Variants in UNC13A observed in about 807,000 individuals in gnomAD.
The protein encoded by UNC13A is protein unc-13 homolog A.
A neutral mutation model predicts 219.7 loss-of-function variants in UNC13A; 61 were observed. The ratio of observed to expected loss-of-function variants is 0.28; its 90% CI spans 0.23 to 0.34. The LOEUF (loss-of-function observed/expected upper bound fraction) is 0.34, where lower values mean the gene tolerates loss of function less well. UNC13A is among the 10% of genes least tolerant of loss of function. The pLI, the probability that UNC13A is intolerant of heterozygous loss-of-function variation, is 1.00. For missense variants in UNC13A, 1,476 were observed against 2,270.3 expected (o/e 0.65, Z 7.11); for synonymous variants, 920 against 884.6 (o/e 1.04, Z -0.71).
At chr19:17,634,782 G>A (rs149956833) in intron 26 of UNC13A, among the ~76,000 whole-genome samples, 1,574 of 152,042 alleles carry the variant, frequency 0.01, 24 homozygotes, top group African/African-American at 0.035. Context: ...TGCAACCTCT[G>A]CCTCCTGGGT....
Position 17,603,010 on chromosome 19 carries a change from A to G in UNC13A, c.*3044T>C, listed in dbSNP as rs1204215601. On this transcript the variant is annotated 3_prime_UTR_variant, in exon 44 of 44. Coordinates refer to ENST00000519716, the MANE Select transcript of UNC13A (RefSeq NM_001080421.3). The stretch of plus-strand genomic sequence containing the variant: ...ACTGGAGGAGAGACGGTGGCTGGGA[A>G]AGTCCTGAGGGGAAGGAAGGAGGGT... The G allele has an allele frequency of 6.6e-6, 1 of 152,260 alleles. No homozygotes were observed. Among genetic ancestry groups the G allele is most frequent in the East Asian group, 1.9e-4 (1 of 5,190 alleles). The allele number at this position is 152,260 out of a possible 1,614,324, so 9.4% of individuals were successfully genotyped here.
rs1404082871 is a variant in UNC13A, at chr19:17,618,969, G to T, written c.4273-7C>A. On this transcript the variant is annotated splice_polypyrimidine_tract_variant and splice_region_variant and intron_variant, in intron 38 of 43. Transcript: ENST00000519716. The stretch of plus-strand genomic sequence containing the variant: ...TGAAGATCATCTGGGTTCCCTGCAG[G>T]TAACAACATACAGCTGGGTGAGGGC... 3 of 1,613,894 alleles carry T rather than the reference G, an allele frequency of 1.9e-6. No individual in the cohort carries two copies. Among genetic ancestry groups the T allele is most frequent in the Non-Finnish European group, 2.5e-6 (3 of 1,179,836 alleles).
Position 17,658,629 on chromosome 19 carries a change from A to G in UNC13A, c.560-360T>C, listed in dbSNP as rs142871209. On this transcript the variant is annotated intron_variant, in intron 8 of 43. Transcript: ENST00000519716. ...TGGGATTTTTTTCCACTGAGCAGTT[A>G]GTTTCCCATAACAGGAGTCACACAG... is the stretch of plus-strand genomic sequence containing the variant. Among the ~76,000 whole-genome samples, 212 of 152,274 alleles carry G rather than the reference A, an allele frequency of 1.4e-3. 1 individual carries two copies. The highest frequency in any genetic ancestry group is 4.9e-3 in the African/African-American group (203 of 41,548).
At position 17,606,258 on chromosome 19, in the gene UNC13A, G is replaced by C. The variant is rs775862657; in HGVS notation, c.4908C>G (p.Ala1636=). Residue 1636 remains alanine, a synonymous_variant, in exon 44 of 44, where the codon GCC becomes GCG. Transcript: ENST00000519716. ...GGGCCAGCTCACGCAGCTGCAGCAC[G>C]GCCAGCCCCACCGTGCGGTCCTCGC... ...FAREDRTVGL[A]VLQLRELAQR... is the part of the protein sequence containing the mutation. 168 of 1,547,508 alleles carry C rather than the reference G, an allele frequency of 1.1e-4. No individual in the cohort carries two copies. Among genetic ancestry groups the C allele is most frequent in the Non-Finnish European group, 1.4e-4 (163 of 1,146,452 alleles).
Position 17,626,789 on chromosome 19 carries a change from G to T in UNC13A, c.3921-4C>A. ...CTCTTCAATGTGCGGCTGGAAGCTG[G>T]GGACACAGAAGGGAAGGGCTCAGAC... On this transcript the variant is annotated splice_polypyrimidine_tract_variant and splice_region_variant and intron_variant, in intron 33 of 43. Transcript: ENST00000519716. 1 of 1,609,318 alleles carries T rather than the reference G, an allele frequency of 6.2e-7. No individual in the cohort carries two copies.
chr19:17,656,125 C>G lies in UNC13A; in HGVS notation c.1041G>C (p.Glu347Asp), dbSNP rs898222224. The G allele has an allele frequency of 1.3e-6, 2 of 1,549,334 alleles. No homozygotes were observed. Among genetic ancestry groups the G allele is most frequent in the African/African-American group, 2.7e-5 (2 of 73,046 alleles). The change falls in exon 10 of 44, where the codon GAG (glutamate) becomes GAC (aspartate). Residue 347 changes from glutamate to aspartate, a missense_variant. By Grantham distance (45) the Glu-to-Asp change is conservative (BLOSUM62 2). Transcript: ENST00000519716. The stretch of plus-strand genomic sequence containing the variant: ...CCAAATCGTCAGGCACCTCCTCCTC[C>G]TCCTCCTCCAGCTCCTCCTCATCTT... ...LPEDEEELEE[E>D]EEEVPDDLGS...
intron 25 of UNC13A, among the ~76,000 whole-genome samples, chr19:17,636,595 T>C (rs2076914839): frequency 6.6e-6 from 1 of 152,134 alleles, no homozygotes. Flanking sequence ...ATGAATTCCG[T>C]TGGATTGAAC....
chr19:17,649,486 G>C lies in UNC13A; in HGVS notation c.1518+23C>G. 2.5e-6 allele frequency: 4 copies of C among 1,613,918 alleles called. No homozygotes were observed. The highest frequency in any genetic ancestry group is 3.4e-6 in the Non-Finnish European group (4 of 1,179,852). On this transcript the variant is annotated intron_variant, in intron 13 of 43. Coordinates refer to ENST00000519716, the MANE Select transcript of UNC13A (RefSeq NM_001080421.3). The surrounding 1 kb of genome is among the most constrained non-coding windows in gnomAD (Gnocchi z 4.4). ...TTATAGCAGGCCTGCTCTGCTCAGG[G>C]AGTAAAGGGCGAGGGTGCTTACCAA...
At chr19:17,655,859 G>A in intron 10 of UNC13A, 24 bp downstream of exon 10, 1 of 1,498,542 alleles carries the variant, frequency 6.7e-7, no homozygotes. Context: ...CAGCCCCTCT[G>A]GCCCCTTGGC....
At chr19:17,651,365 A>C (rs11671424) in intron 12 of UNC13A, among the ~76,000 whole-genome samples, 101,121 of 151,686 alleles carry the variant, frequency 0.67, 34,751 homozygotes, top group African/African-American at 0.85. Context: ...CTGGGATTAC[A>C]AGCATGCACC....
rs570739919 is a variant in UNC13A, at chr19:17,688,162, C to G, written c.22+16G>C. The stretch of plus-strand genomic sequence containing the variant: ...GCGTCCACACGGGTCCCCCGACCCC[C>G]AGCCTCGCCTCCTACCTCCAACGCA... On this transcript the variant is annotated intron_variant, in intron 1 of 43. Transcript: ENST00000519716. 6.5e-7 allele frequency: 1 copy of G among 1,528,770 alleles called. No homozygotes were observed. The highest frequency in any genetic ancestry group is 2.7e-5 in the East Asian group (1 of 37,086). The allele number at this position is 1,528,770 out of a possible 1,614,324, so 94.7% of individuals were successfully genotyped here. A position where few individuals can be genotyped will look rare whatever the true frequency, so the allele number is the denominator to read the frequency against.
intron 26 of UNC13A, among the ~76,000 whole-genome samples, chr19:17,634,470 C>G (rs1298059176): frequency 6.6e-6 from 1 of 151,988 alleles, no homozygotes; most frequent in Non-Finnish European, 1.5e-5. Flanking sequence ...TCCCAAGTAG[C>G]TGGGATTACA....
At chr19:17,630,580 C>G in intron 29 of UNC13A, 74 bp downstream of exon 29, 1 of 1,538,728 alleles carries the variant, frequency 6.5e-7, no homozygotes, top group Non-Finnish European at 9.0e-7. Context: ...CTGGCCTCAT[C>G]TCAAGGGCAA....
chr19:17,686,080 T>G (rs922594401), intron 1 of UNC13A, among the ~76,000 whole-genome samples: 2 of 146,854 alleles, frequency 1.4e-5, no homozygotes, highest in African/African-American at 5.0e-5. Context: ...GGGCCTTACC[T>G]CCCACCCCTG....
rs561520919 is a variant in UNC13A, at chr19:17,674,319, G to C, written c.152+338C>G. Among the ~76,000 whole-genome samples the C allele has an allele frequency of 6.6e-6, 1 of 152,178 alleles. No individual in the cohort carries two copies. Among genetic ancestry groups the C allele is most frequent in the South Asian group, 2.1e-4 (1 of 4,824 alleles). On this transcript the variant is annotated intron_variant, in intron 3 of 43. Transcript: ENST00000519716. This position sits in a 1 kb window ranked among gnomAD's most constrained non-coding sequence, Gnocchi z 5.0. Reference sequence around the variant, plus strand: ...TTTTATTGTGAGGTCGATGAGCCACGGACAAGTTTGGAACATGGGAGCGAC... The same window carrying C: ...TTTTATTGTGAGGTCGATGAGCCACCGACAAGTTTGGAACATGGGAGCGAC...
At chr19:17,658,317 A>G (rs566457447) in intron 8 of UNC13A, 48 bp from the exon 9 acceptor site, 11 of 1,545,296 alleles carry the variant, frequency 7.1e-6, no homozygotes, top group South Asian at 2.3e-5. Flanking sequence ...GAGAGAGTGC[A>G]CATGATGGGA....
intron 25 of UNC13A, among the ~76,000 whole-genome samples, chr19:17,638,790 C>G (rs1389750221): frequency 1.3e-5 from 2 of 152,042 alleles, no homozygotes; most frequent in Non-Finnish European, 1.5e-5. Context: ...GATCACACCA[C>G]TGCACTCCAG....
intron 26 of UNC13A, among the ~76,000 whole-genome samples, chr19:17,633,706 CATTCATTCACCT>C (rs2145014905): frequency 6.6e-6 from 1 of 152,120 alleles, no homozygotes; most frequent in Admixed American, 6.5e-5. Context: ...ACTATCCACC[CATTCATTCACCT>C]ATCCATCTAT....
At position 17,605,968 on chromosome 19, in the gene UNC13A, G is replaced by A; in HGVS notation, c.*86C>T. 7.9e-7 allele frequency: 1 copy of A among 1,270,250 alleles called. No individual in the cohort carries two copies. The highest frequency in any genetic ancestry group is 1.0e-6 in the Non-Finnish European group (1 of 981,528). The allele number at this position is 1,270,250 out of a possible 1,614,324, so 78.7% of individuals were successfully genotyped here. ...TGGAGCCCCCCGAGCCCCGCCCCTG[G>A]GGAGGTCCCACCAAGGCGCAAGCCC... On this transcript the variant is annotated 3_prime_UTR_variant, in exon 44 of 44. Transcript: ENST00000519716.
Sources: gnomAD v4.1 joint callset for allele counts (sites outside exome capture counted in the v4.1 genomes callset) on GRCh38, gnomAD v4.1.1 for gene constraint, Gnocchi (gnomAD v3.1) non-coding constraint, MANE v1.5 for transcripts, NCBI Gene and HGNC (gene_info 2026-07-23, HGNC 2026-07-21) for gene names.